The following PTPRN2 variants were observed in gnomAD, a reference collection of about 807,000 sequenced individuals.
The protein encoded by PTPRN2 is receptor-type tyrosine-protein phosphatase N2.
Under a neutral mutation model 118.8 loss-of-function variants are expected in PTPRN2, and 74 were observed. That is an observed-to-expected ratio of 0.62 (90% CI 0.52 to 0.76). The LOEUF (loss-of-function observed/expected upper bound fraction) is 0.76, where lower values mean the gene tolerates loss of function less well. PTPRN2 is among the 30% of genes least tolerant of loss of function. The pLI is 0.00. For synonymous variants in PTPRN2, 641 were observed against 608.0 expected (o/e 1.05, Z -0.80); for missense variants, 1,481 against 1,394.4 (o/e 1.06, Z -0.99).
chr7:158,144,369 G>A lies in PTPRN2; in HGVS notation c.911-5854C>T, dbSNP rs138770773. ...AAAGCAGACATCAGCCGGACGCGGT[G>A]GCTCACACCCGTAATCCCAGCACTT... On this transcript the variant is annotated intron_variant, in intron 6 of 22. Coordinates refer to ENST00000389418, the MANE Select transcript of PTPRN2 (RefSeq NM_002847.5). Among the ~76,000 whole-genome samples, 1,047 of 152,234 alleles carry A rather than the reference G, an allele frequency of 6.9e-3. 17 individuals are homozygous for A. Among genetic ancestry groups the A allele is most frequent in the African/African-American group, 0.024 (985 of 41,514 alleles).
chr7:157,837,128 T>C (rs1235984568), intron 12 of PTPRN2, among the ~76,000 whole-genome samples: 17 of 99,604 alleles, frequency 1.7e-4, no homozygotes, highest in Admixed American at 3.3e-4. Context: ...CCTGTCCACC[T>C]GCCCACCCAT....
chr7:158,125,696 C>G (rs1817601311), intron 9 of PTPRN2, among the ~76,000 whole-genome samples: 1 of 152,178 alleles, frequency 6.6e-6, no homozygotes. Context: ...CAGGAGGGGC[C>G]TCTACAGAGG....
intron 20 of PTPRN2, 100 bp from the exon 21 acceptor site, chr7:157,569,066 C>T (rs1390848941): frequency 2.6e-6 from 3 of 1,150,524 alleles, no homozygotes; most frequent in Non-Finnish European, 3.9e-6. Flanking sequence ...CTTACGGGGG[C>T]CGGCGAGAGG....
chr7:157,588,221 G>A (rs1226358437), intron 17 of PTPRN2, among the ~76,000 whole-genome samples: 2 of 152,248 alleles, frequency 1.3e-5, no homozygotes, highest in Non-Finnish European at 2.9e-5. Context: ...CTCTCTGGAA[G>A]AAGAGCACAT....
At chr7:157,860,248 G>A (rs1810128320) in intron 12 of PTPRN2, among the ~76,000 whole-genome samples, 2 of 152,222 alleles carry the variant, frequency 1.3e-5, no homozygotes, top group Admixed American at 1.3e-4. Context: ...GGATTTCAGA[G>A]GTCACTGCAG....
At chr7:158,119,196 TA>T (rs1209224578) in intron 9 of PTPRN2, among the ~76,000 whole-genome samples, 1 of 152,070 alleles carries the variant, frequency 6.6e-6, no homozygotes, top group Non-Finnish European at 1.5e-5. Flanking sequence ...CAATACCATT[TA>T]AAAATGGGCA....
At position 158,321,470 on chromosome 7, in the gene PTPRN2, G is replaced by T. The variant is rs902661938; in HGVS notation, c.164-4538C>A. Among the ~76,000 whole-genome samples the T allele has an allele frequency of 2.0e-5, 3 of 152,158 alleles. No homozygotes were observed. The South Asian group carries it at 6.2e-4, about 32-fold the overall frequency. On this transcript the variant is annotated intron_variant, in intron 2 of 22. Coordinates refer to ENST00000389418, the MANE Select transcript of PTPRN2 (RefSeq NM_002847.5). ...CGACATGACCCTATCGTCGAAGCCC[G>T]GACTGACCCGTCCAGCTCTGCAGCC...
intron 2 of PTPRN2, among the ~76,000 whole-genome samples, chr7:158,347,480 G>A (rs1342679230): frequency 6.6e-6 from 1 of 152,204 alleles, no homozygotes; most frequent in East Asian, 1.9e-4. Context: ...GTTGTTGCCA[G>A]TACCACGTTG....
rs1802552012 is a variant in PTPRN2, at chr7:157,974,116, G to A, written c.1724-75379C>T. Among the ~76,000 whole-genome samples the A allele has an allele frequency of 6.6e-6, 1 of 152,220 alleles. No individual in the cohort carries two copies. Among genetic ancestry groups the A allele is most frequent in the Non-Finnish European group, 1.5e-5 (1 of 68,028 alleles). On this transcript the variant is annotated intron_variant, in intron 11 of 22. Coordinates refer to ENST00000389418, the MANE Select transcript of PTPRN2 (RefSeq NM_002847.5). The surrounding 1 kb of genome is among the most constrained non-coding windows in gnomAD (Gnocchi z 4.0). ...GCCTGACTTGCACTGCTGGACGGTG[G>A]GTTGGCGGTGTTGACGCTGCACAGG...
chr7:158,191,790 G>A (rs1474546670), intron 5 of PTPRN2, among the ~76,000 whole-genome samples: 1 of 152,120 alleles, frequency 6.6e-6, no homozygotes, highest in African/African-American at 2.4e-5. Context: ...ATCACCTTGT[G>A]TTTTGGTGCC....
At chr7:157,843,851 G>A (rs1808604351) in intron 12 of PTPRN2, among the ~76,000 whole-genome samples, 1 of 152,222 alleles carries the variant, frequency 6.6e-6, no homozygotes, top group East Asian at 1.9e-4. Flanking sequence ...AAGGGGAGGA[G>A]GAACAGGTCG....
chr7:157,556,396 CCA>C (rs899709936), intron 21 of PTPRN2, among the ~76,000 whole-genome samples: 14 of 144,556 alleles, frequency 9.7e-5, no homozygotes, highest in African/African-American at 3.6e-4. Flanking sequence ...CAACACTCAC[CCA>C]CACTCACATC....
chr7:158,363,056 C>G (rs566499968), intron 2 of PTPRN2, among the ~76,000 whole-genome samples: 13 of 152,118 alleles, frequency 8.5e-5, no homozygotes, highest in African/African-American at 3.1e-4. Context: ...GATTATGCAC[C>G]GCGCGTCATG....
intron 2 of PTPRN2, among the ~76,000 whole-genome samples, chr7:158,337,267 T>A (rs1441182104): frequency 1.4e-4 from 21 of 150,388 alleles, no homozygotes; most frequent in African/African-American, 5.1e-4. Context: ...CCTGCAGACG[T>A]CACTCAAACT....
rs1313221197 is a variant in PTPRN2 at position 158,223,239 on chromosome 7, C to T, written c.278-17966G>A. 2.6e-5 allele frequency among the ~76,000 whole-genome samples: 4 copies of T among 152,128 alleles called. No individual in the cohort carries two copies. In the East Asian group the frequency reaches 7.7e-4, roughly 29 times the overall value. ...AGATGGTTTCACCAAAGAATTATAC[C>T]AAACATTTAAAGAGGAATTAAAACA... is the stretch of plus-strand genomic sequence containing the variant. On this transcript the variant is annotated intron_variant, in intron 3 of 22. Transcript: ENST00000389418.
At chr7:158,295,178 C>T (rs1300024554) in intron 3 of PTPRN2, among the ~76,000 whole-genome samples, 2 of 123,982 alleles carry the variant, frequency 1.6e-5, no homozygotes, top group African/African-American at 3.1e-5. Context: ...TGCACCACAT[C>T]GTGGTTCACC....
At chr7:158,269,208 G>A (rs749314534) in intron 3 of PTPRN2, among the ~76,000 whole-genome samples, 6 of 149,462 alleles carry the variant, frequency 4.0e-5, no homozygotes, top group African/African-American at 7.3e-5. Context: ...GCCCGACCCC[G>A]CCCCAGATGC....
At position 157,916,995 on chromosome 7, in the gene PTPRN2, C is replaced by T. The variant is rs13236660; in HGVS notation, c.1724-18258G>A. Among the ~76,000 whole-genome samples the T allele has an allele frequency of 2.7e-3, 369 of 138,388 alleles. 2 individuals are homozygous for T. Among genetic ancestry groups the T allele is most frequent in the African/African-American group, 9.8e-3 (346 of 35,256 alleles). 90.8% of individuals were successfully genotyped at this position (138,388 alleles called of 152,430 possible). ...TCCCCACCATGGCAGGGGCTGGCCA[C>T]GCACCCCGGCCACTCCGGGACACGT... On this transcript the variant is annotated intron_variant, in intron 11 of 22. Transcript: ENST00000389418.
In PTPRN2 at chr7:158,212,745, C is replaced by T. The variant is rs79003282; in HGVS notation, c.278-7472G>A. On this transcript the variant is annotated intron_variant, in intron 3 of 22. Coordinates refer to ENST00000389418, the MANE Select transcript of PTPRN2 (RefSeq NM_002847.5). Reference sequence around the variant, plus strand: ...CCACTCACCCACTCCTCTACCTGCCCGCCACCATATCTTAGGTATTTTGTT... The same window carrying T: ...CCACTCACCCACTCCTCTACCTGCCTGCCACCATATCTTAGGTATTTTGTT... 3.5e-3 allele frequency among the ~76,000 whole-genome samples: 531 copies of T among 152,222 alleles called. 2 individuals are homozygous for T. The highest frequency in any genetic ancestry group is 0.012 in the African/African-American group (495 of 41,532).
Sources: allele counts gnomAD v4.1 joint callset (sites outside exome capture counted in the v4.1 genomes callset), GRCh38; gene constraint gnomAD v4.1.1; non-coding constraint Gnocchi (gnomAD v3.1); transcripts MANE v1.5; gene names NCBI Gene and HGNC (gene_info 2026-07-23, HGNC 2026-07-21).